The following KCNIP4 variants were observed in gnomAD, a reference collection of about 807,000 sequenced individuals.
KCNIP4 encodes the protein Kv channel-interacting protein 4.
KCNIP4 carries 12 observed loss-of-function variants against 34.0 expected under a neutral mutation model. The observed-to-expected ratio is 0.35, with a 90% CI of 0.23 to 0.57. The LOEUF is 0.57. KCNIP4 is among the 20% of genes least tolerant of loss of function. The pLI is 0.83. For missense variants in KCNIP4, 238 were observed against 311.7 expected (o/e 0.76, Z 1.78); for synonymous variants, 124 against 102.2 (o/e 1.21, Z -1.29).
intron 1 of KCNIP4, among the ~76,000 whole-genome samples, chr4:21,130,135 C>T (rs1380377302): frequency 6.6e-6 from 1 of 151,938 alleles, no homozygotes; most frequent in African/African-American, 2.4e-5. Context: ...TATATCCTCC[C>T]TCATATCCCT....
intron 3 of KCNIP4, among the ~76,000 whole-genome samples, chr4:20,760,659 A>C (rs756118592): frequency 2.0e-5 from 3 of 152,180 alleles, no homozygotes; most frequent in Non-Finnish European, 4.4e-5. Context: ...TCACAGAGGC[A>C]GAACTGGAGG....
In KCNIP4 at chr4:21,566,058, T is replaced by C. The variant is rs143575879; in HGVS notation, c.61+382513A>G. On this transcript the variant is annotated intron_variant, in intron 1 of 8. Coordinates refer to ENST00000382152, the MANE Select transcript of KCNIP4 (RefSeq NM_025221.6). ...GGAAACTAATGGGAGACAGGAATTG[T>C]TGGAGCAACAGTCACATACAGGAAC... Among the ~76,000 whole-genome samples, 75 of 152,216 alleles carry C rather than the reference T, an allele frequency of 4.9e-4. No homozygotes were observed. In the East Asian group the frequency reaches 8.5e-3, roughly 17 times the overall value.
At chr4:20,868,502 G>A (rs539851296) in intron 2 of KCNIP4, among the ~76,000 whole-genome samples, 1 of 152,144 alleles carries the variant, frequency 6.6e-6, no homozygotes, top group South Asian at 2.1e-4. Flanking sequence ...ACACCCAAAA[G>A]AAAACAAATA....
At chr4:21,878,374 C>T (rs531553696) in intron 1 of KCNIP4, among the ~76,000 whole-genome samples, 1 of 152,320 alleles carries the variant, frequency 6.6e-6, no homozygotes, top group South Asian at 2.1e-4. Flanking sequence ...CAGTACCCGG[C>T]CTTGCCCTTT....
intron 1 of KCNIP4, among the ~76,000 whole-genome samples, chr4:21,234,270 C>T (rs1463382220): frequency 2.9e-5 from 3 of 103,502 alleles, no homozygotes; most frequent in Admixed American, 1.2e-4. Context: ...ACATATATAA[C>T]ATATATTATA....
intron 1 of KCNIP4, among the ~76,000 whole-genome samples, chr4:21,303,582 C>A (rs934704342): frequency 6.6e-6 from 1 of 152,116 alleles, no homozygotes; most frequent in Admixed American, 6.5e-5. Context: ...CATTTTTGAT[C>A]CAAAGTGTTT....
intron 1 of KCNIP4, among the ~76,000 whole-genome samples, chr4:21,628,984 T>G (rs948356495): frequency 6.6e-6 from 1 of 152,142 alleles, no homozygotes. Flanking sequence ...GTATATACAT[T>G]TAAAGGTAGA....
intron 1 of KCNIP4, among the ~76,000 whole-genome samples, chr4:21,699,516 G>A (rs898108482): frequency 6.6e-6 from 1 of 152,156 alleles, no homozygotes; most frequent in African/African-American, 2.4e-5. Flanking sequence ...TCAGGAAAGA[G>A]GTCTCTAAGA....
At position 20,729,679 on chromosome 4, in the gene KCNIP4, G is replaced by C. The variant is rs1747413275; in HGVS notation, c.*403C>G. On this transcript the variant is annotated 3_prime_UTR_variant, in exon 9 of 9. Coordinates refer to ENST00000382152, the MANE Select transcript of KCNIP4 (RefSeq NM_025221.6). Reference sequence around the variant, plus strand: ...ATTTAATTTCTGGAAATTAAATGCAGATGTCACTATATTAGAAAACCATTC... The same window carrying C: ...ATTTAATTTCTGGAAATTAAATGCACATGTCACTATATTAGAAAACCATTC... 1 of 156,458 alleles carries C rather than the reference G, an allele frequency of 6.4e-6. No homozygotes were observed. Among genetic ancestry groups the C allele is most frequent in the Non-Finnish European group, 1.4e-5 (1 of 71,276 alleles). The allele number at this position is 156,458 out of a possible 1,614,324, so 9.7% of individuals were successfully genotyped here.
intron 1 of KCNIP4, among the ~76,000 whole-genome samples, chr4:21,580,344 T>C (rs1359082726): frequency 6.6e-6 from 1 of 152,094 alleles, no homozygotes; most frequent in Non-Finnish European, 1.5e-5. Context: ...GGTTACAATG[T>C]TAATAGGTGA....
chr4:21,893,781 T>G (rs1381767376), intron 1 of KCNIP4, among the ~76,000 whole-genome samples: 2 of 152,162 alleles, frequency 1.3e-5, no homozygotes, highest in Non-Finnish European at 2.9e-5. Flanking sequence ...AAACCAACTC[T>G]TCCTCAAATA....
chr4:21,753,827 C>A (rs1049753757), intron 1 of KCNIP4, among the ~76,000 whole-genome samples: 1 of 152,128 alleles, frequency 6.6e-6, no homozygotes, highest in Non-Finnish European at 1.5e-5. Flanking sequence ...TAGGTCTAGA[C>A]CTCTGATGAC....
At chr4:21,853,399 T>C (rs553171915) in intron 1 of KCNIP4, among the ~76,000 whole-genome samples, 4 of 152,336 alleles carry the variant, frequency 2.6e-5, no homozygotes, top group African/African-American at 7.2e-5. Context: ...CAGTGGCTGA[T>C]TGACCTTTGA....
At chr4:21,282,487 TGTGTGTG>T (rs1762841346) in intron 1 of KCNIP4, among the ~76,000 whole-genome samples, 1 of 151,644 alleles carries the variant, frequency 6.6e-6, no homozygotes, top group African/African-American at 2.4e-5. Flanking sequence ...TGTGTGTGTG[TGTGTGTG>T]TAATGCTGTT....
At chr4:21,585,091 G>C (rs904806197) in intron 1 of KCNIP4, among the ~76,000 whole-genome samples, 1 of 152,006 alleles carries the variant, frequency 6.6e-6, no homozygotes, top group Non-Finnish European at 1.5e-5. Flanking sequence ...AACATTTTTG[G>C]AACATATAAC....
chr4:21,414,856 C>T (rs1345294842), intron 1 of KCNIP4, among the ~76,000 whole-genome samples: 1 of 151,914 alleles, frequency 6.6e-6, no homozygotes, highest in Admixed American at 6.6e-5. Flanking sequence ...TTATGGGGAA[C>T]ATGAGATATT....
intron 3 of KCNIP4, among the ~76,000 whole-genome samples, chr4:20,812,538 G>T (rs190315229): frequency 4.9e-4 from 75 of 152,188 alleles, no homozygotes; most frequent in Non-Finnish European, 4.0e-4. Context: ...TTTTCATGTC[G>T]CAATATGCTT....
intron 3 of KCNIP4, among the ~76,000 whole-genome samples, chr4:20,841,902 A>G (rs997971763): frequency 3.3e-5 from 5 of 152,064 alleles, no homozygotes; most frequent in African/African-American, 1.2e-4. Flanking sequence ...ATGCCTAGAA[A>G]GTCCTTTTTT....
rs146591398 is a variant in KCNIP4, at chr4:20,759,109, G to A, written c.289-219C>T. Among the ~76,000 whole-genome samples, 243 of 152,238 alleles carry A rather than the reference G, an allele frequency of 1.6e-3. 2 individuals are homozygous for A. The highest frequency in any genetic ancestry group is 5.6e-3 in the African/African-American group (231 of 41,550). On this transcript the variant is annotated intron_variant, in intron 3 of 8. Transcript: ENST00000382152. ...AGATGTAAATATCTTTGCATATTGA[G>A]TATCAAAGTAGGTGTAATGTATTCA...
Sources: gnomAD v4.1 joint callset for allele counts (sites outside exome capture counted in the v4.1 genomes callset) on GRCh38, gnomAD v4.1.1 for gene constraint, MANE v1.5 for transcripts, NCBI Gene and HGNC (gene_info 2026-07-23, HGNC 2026-07-21) for gene names.